The following TRMT9B variants were observed in gnomAD, a reference collection of about 807,000 sequenced individuals.
The protein encoded by TRMT9B is tRNA methyltransferase 9B (putative).
TRMT9B carries 16 observed loss-of-function variants against 11.5 expected under a neutral mutation model. That is an observed-to-expected ratio of 1.39 (90% CI 0.94 to 2.11). The LOEUF is 2.11. TRMT9B is among the 30% of genes most tolerant of loss of function. The probability of loss-of-function intolerance (pLI) is 0.00; values close to 1 mark genes in which losing one functional copy is unlikely to be tolerated. For missense variants in TRMT9B, 941 were observed against 553.8 expected, an observed-to-expected ratio of 1.70 and a Z score of -7.02; for synonymous variants, 274 against 192.4, an observed-to-expected ratio of 1.42 and a Z score of -3.51.
chr8:13,005,569 C>T (rs937580778), intron 2 of TRMT9B, among the ~76,000 whole-genome samples: 3 of 151,880 alleles, frequency 2.0e-5, no homozygotes, highest in Non-Finnish European at 4.4e-5. Context: ...TACTATGTAC[C>T]CACAAAAATT....
At chr8:12,996,494 A>G (rs1286314221) in intron 2 of TRMT9B, among the ~76,000 whole-genome samples, 3 of 152,184 alleles carry the variant, frequency 2.0e-5, no homozygotes, top group Admixed American at 6.5e-5. Context: ...ACATAATCTT[A>G]TTGAATGGGG....
At chr8:13,014,683 A>G (rs1457859199) in intron 4 of TRMT9B, among the ~76,000 whole-genome samples, 2 of 152,186 alleles carry the variant, frequency 1.3e-5, no homozygotes, top group African/African-American at 4.8e-5. Flanking sequence ...ACCTTTTTGA[A>G]TTAAGCAACA....
intron 2 of TRMT9B, among the ~76,000 whole-genome samples, chr8:13,000,558 C>A (rs1265541644): frequency 6.6e-6 from 1 of 152,172 alleles, no homozygotes; most frequent in Non-Finnish European, 1.5e-5. Context: ...CAACTTCCCC[C>A]AGCAAAGTTA....
chr8:13,019,940 G>C (rs1239814399), intron 4 of TRMT9B, among the ~76,000 whole-genome samples: 1 of 152,196 alleles, frequency 6.6e-6, no homozygotes, highest in Non-Finnish European at 1.5e-5. Context: ...AGGTTTGTGT[G>C]CTGTTGATAG....
chr8:13,014,972 T>G (rs936816692), intron 4 of TRMT9B, among the ~76,000 whole-genome samples: 1 of 151,616 alleles, frequency 6.6e-6, no homozygotes, highest in Admixed American at 6.6e-5. Flanking sequence ...AGGCAGGGAA[T>G]TGCTTGAACC....
At chr8:12,962,106 A>G (rs960831823) in intron 1 of TRMT9B, 1 of 152,356 alleles carries the variant, frequency 6.6e-6, no homozygotes, top group Non-Finnish European at 1.5e-5. Context: ...ACAGACATGG[A>G]CTGGATTCTC....
At chr8:12,959,343 T>A (rs912852562) in intron 1 of TRMT9B, among the ~76,000 whole-genome samples, 2 of 152,136 alleles carry the variant, frequency 1.3e-5, no homozygotes, top group East Asian at 1.9e-4. Context: ...CTTTGTTTCA[T>A]GCGTACAATT....
At chr8:12,948,552 T>C (rs1189716854) in intron 1 of TRMT9B, among the ~76,000 whole-genome samples, 1 of 148,464 alleles carries the variant, frequency 6.7e-6, no homozygotes, top group Non-Finnish European at 1.5e-5. Context: ...TTACATTGCA[T>C]ATGAATATAT....
intron 1 of TRMT9B, among the ~76,000 whole-genome samples, chr8:12,953,364 G>A (rs1346559611): frequency 6.6e-6 from 1 of 152,088 alleles, no homozygotes; most frequent in Non-Finnish European, 1.5e-5. Context: ...GTTTGTTTAT[G>A]TTTGAGATGG....
chr8:13,024,953 T>C lies in TRMT9B; in HGVS notation c.*2909T>C, dbSNP rs1814513224. The C allele has an allele frequency of 1.8e-5, 3 of 167,082 alleles. No homozygotes were observed. 10.3% of individuals were successfully genotyped at this position (167,082 alleles called of 1,614,324 possible). A position where few individuals can be genotyped will look rare whatever the true frequency, so the allele number is the denominator to read the frequency against. ...AGCAAAACTAATGTAAACGTCTTGA[T>C]CATTTAAAAAGCTTGCTTGTCCTCG... On this transcript the variant is annotated 3_prime_UTR_variant, in exon 5 of 5. Coordinates refer to ENST00000524591, the MANE Select transcript of TRMT9B (RefSeq NM_020844.3).
chr8:12,967,916 G>C (rs1803043908), intron 1 of TRMT9B, among the ~76,000 whole-genome samples: 1 of 152,178 alleles, frequency 6.6e-6, no homozygotes, highest in South Asian at 2.1e-4. Flanking sequence ...TACTTTCTGA[G>C]ACAGGCTCTT....
At chr8:13,018,269 A>T (rs1563445966) in intron 4 of TRMT9B, among the ~76,000 whole-genome samples, 1 of 151,322 alleles carries the variant, frequency 6.6e-6, no homozygotes, top group Non-Finnish European at 1.5e-5. Context: ...GGGTGTGGTG[A>T]TATATACCTG....
intron 2 of TRMT9B, among the ~76,000 whole-genome samples, chr8:12,993,366 C>G (rs1807721345): frequency 6.6e-6 from 1 of 152,176 alleles, no homozygotes; most frequent in Admixed American, 6.5e-5. Context: ...TGAATTGTAG[C>G]CAGCAAACCA....
chr8:12,947,227 C>G (rs1429573035), intron 1 of TRMT9B, among the ~76,000 whole-genome samples: 1 of 152,188 alleles, frequency 6.6e-6, no homozygotes, highest in Non-Finnish European at 1.5e-5. Flanking sequence ...CTCCAGTCTC[C>G]TAAAGATCAG....
intron 1 of TRMT9B, among the ~76,000 whole-genome samples, chr8:12,967,992 C>T (rs567577695): frequency 1.3e-5 from 2 of 152,304 alleles, no homozygotes; most frequent in Non-Finnish European, 2.9e-5. Flanking sequence ...GCCTACTGGG[C>T]TCTCACCTCA....
chr8:12,959,212 A>G (rs528228840), intron 1 of TRMT9B, among the ~76,000 whole-genome samples: 30 of 152,268 alleles, frequency 2.0e-4, no homozygotes, highest in Admixed American at 1.6e-3. Flanking sequence ...CCCTAACCTG[A>G]AAATCCAAAA....
chr8:13,008,953 C>T (rs1012858343), intron 3 of TRMT9B, among the ~76,000 whole-genome samples: 17 of 152,146 alleles, frequency 1.1e-4, no homozygotes, highest in Admixed American at 1.0e-3. Context: ...TGGTGTCGAT[C>T]TCCTGACTTT....
rs1416397005 is a variant in TRMT9B, at chr8:13,028,963, C to T, written c.*6919C>T. 6.0e-6 allele frequency: 1 copy of T among 166,978 alleles called. No individual in the cohort carries two copies. The highest frequency in any genetic ancestry group is 1.5e-5 in the Non-Finnish European group (1 of 68,106). 10.3% of individuals were successfully genotyped at this position (166,978 alleles called of 1,614,324 possible). On this transcript the variant is annotated 3_prime_UTR_variant, in exon 5 of 5. Coordinates refer to ENST00000524591, the MANE Select transcript of TRMT9B (RefSeq NM_020844.3). ...CACTAATGTGGACCTAAGTGAGTAT[C>T]TGAGAGGCTTTGAATATGTATGTGC...
Position 13,022,062 on chromosome 8 carries a change from ACTC to A in TRMT9B, c.*23_*25del, listed in dbSNP as rs2036647247. ...GTGATTGATTGGATCCTTTTAGACA[ACTC>A]CTCCAAAAGATGAACCACATTCTTT... On this transcript the variant is annotated 3_prime_UTR_variant, in exon 5 of 5. Coordinates refer to ENST00000524591, the MANE Select transcript of TRMT9B (RefSeq NM_020844.3). The A allele has an allele frequency of 2.0e-6, 3 of 1,496,122 alleles. No individual in the cohort carries two copies. Among genetic ancestry groups the A allele is most frequent in the Admixed American group, 4.5e-5 (2 of 44,200 alleles). The allele number at this position is 1,496,122 out of a possible 1,614,324, so 92.7% of individuals were successfully genotyped here.
Sources: allele counts gnomAD v4.1 joint callset (sites outside exome capture counted in the v4.1 genomes callset), GRCh38; gene constraint gnomAD v4.1.1; transcripts MANE v1.5; gene names NCBI Gene and HGNC (gene_info 2026-07-23, HGNC 2026-07-21).